Variants in SLC35A3 observed in about 807,000 individuals in gnomAD.
SLC35A3 encodes the protein solute carrier family 35 member A3.
In SLC35A3, 26 loss-of-function variants were observed where a neutral mutation model predicts 39.0. The observed-to-expected ratio is 0.67, with a 90% CI of 0.49 to 0.92. The LOEUF is 0.92. Ranked by LOEUF, SLC35A3 falls within the 40% of genes least tolerant of loss-of-function variation. SLC35A3 has a pLI of 0.00. For synonymous variants in SLC35A3, 135 were observed against 133.1 expected (o/e 1.01, Z -0.10); for missense variants, 299 against 371.6 (o/e 0.80, Z 1.61).
chr1:99,984,681 C>T (rs1374857256), intron 1 of SLC35A3, among the ~76,000 whole-genome samples: 1 of 152,186 alleles, frequency 6.6e-6, no homozygotes, highest in Non-Finnish European at 1.5e-5. Flanking sequence ...AGTAGTTATA[C>T]TAGTTTACAT....
intron 5 of SLC35A3, among the ~76,000 whole-genome samples, chr1:100,012,461 T>C (rs1659738105): frequency 6.6e-6 from 1 of 152,140 alleles, no homozygotes; most frequent in Admixed American, 6.6e-5. Flanking sequence ...AAAAAAATGA[T>C]AACAGACTTA....
intron 1 of SLC35A3, among the ~76,000 whole-genome samples, chr1:99,984,459 T>G (rs1479954062): frequency 6.6e-6 from 1 of 152,242 alleles, no homozygotes; most frequent in African/African-American, 2.4e-5. Context: ...CTCCATTGTA[T>G]ATATACCACA....
intron 1 of SLC35A3, among the ~76,000 whole-genome samples, chr1:99,973,411 T>G (rs1268418100): frequency 6.6e-6 from 1 of 152,226 alleles, no homozygotes; most frequent in Non-Finnish European, 1.5e-5. Context: ...ATGTTCAACT[T>G]AATTATCTCT....
At position 100,031,396 on chromosome 1, in the gene SLC35A3, ATCT is replaced by A. The variant is rs1350819287; in HGVS notation, c.*8925_*8927del. 6.6e-6 allele frequency: 1 copy of A among 152,192 alleles called. No homozygotes were observed. The highest frequency in any genetic ancestry group is 1.5e-5 in the Non-Finnish European group (1 of 68,046). 9.4% of individuals were successfully genotyped at this position (152,192 alleles called of 1,614,324 possible). ...GCATGCGTGACCTAAAGATATGGACATCTTCTTAATTAACCTCAGTGCCATTAT... is the reference window on the plus strand; with the variant it reads ...GCATGCGTGACCTAAAGATATGGACATCTTAATTAACCTCAGTGCCATTAT... On this transcript the variant is annotated 3_prime_UTR_variant, in exon 8 of 8. Coordinates refer to ENST00000533028, the MANE Select transcript of SLC35A3 (RefSeq NM_012243.3).
At chr1:99,988,842 T>C (rs970960841) in intron 1 of SLC35A3, among the ~76,000 whole-genome samples, 1 of 151,812 alleles carries the variant, frequency 6.6e-6, no homozygotes, top group African/African-American at 2.4e-5. Flanking sequence ...TGTAGCTCAC[T>C]ATAACCTCAA....
In SLC35A3 at chr1:100,032,886, C is replaced by A. The variant is rs1477233847; in HGVS notation, c.*10410C>A. On this transcript the variant is annotated 3_prime_UTR_variant, in exon 8 of 8. Coordinates refer to ENST00000533028, the MANE Select transcript of SLC35A3 (RefSeq NM_012243.3). ...AACATGACCACATTAGTCTTTTAGT[C>A]CTTATTTGCTTTAGGCACAAGAAAT... 2 of 152,118 alleles carry A rather than the reference C, an allele frequency of 1.3e-5. No homozygotes were observed. Among genetic ancestry groups the A allele is most frequent in the African/African-American group, 4.8e-5 (2 of 41,414 alleles). 9.4% of individuals were successfully genotyped at this position (152,118 alleles called of 1,614,324 possible).
chr1:99,971,960 C>T (rs1250244056), intron 1 of SLC35A3, among the ~76,000 whole-genome samples: 1 of 151,916 alleles, frequency 6.6e-6, no homozygotes, highest in Non-Finnish European at 1.5e-5. Flanking sequence ...TTCAATGTTG[C>T]GATCTCGGCT....
intron 1 of SLC35A3, among the ~76,000 whole-genome samples, chr1:99,989,913 T>C (rs1657975107): frequency 1.3e-5 from 2 of 151,924 alleles, no homozygotes; most frequent in African/African-American, 2.4e-5. Flanking sequence ...CACAGGTGCA[T>C]GCCACCATGC....
Position 100,015,373 on chromosome 1 carries a change from T to C in SLC35A3, c.706T>C (p.Phe236Leu), listed in dbSNP as rs1354006009. ...TGGAGAACTGGTATCAAAGAATGGA[T>C]TTTTTCAGGGATATAACCGACTGAC... ...YDGELVSKNG[F>L]FQGYNRLTWI... The change falls in exon 6 of 8, where the codon TTT becomes CTT. Residue 236 changes from phenylalanine (F) to leucine (L), a missense_variant. Physicochemically the swap from Phe to Leu is conservative, Grantham distance 22. Coordinates refer to ENST00000533028, the MANE Select transcript of SLC35A3 (RefSeq NM_012243.3). The C allele has an allele frequency of 1.2e-6, 2 of 1,613,264 alleles. No individual in the cohort carries two copies. The highest frequency in any genetic ancestry group is 1.7e-5 in the Admixed American group (1 of 59,900).
At chr1:99,993,815 TTTGCACTC>T in intron 2 of SLC35A3, 74 bp downstream of exon 2, 2 of 1,303,628 alleles carry the variant, frequency 1.5e-6, no homozygotes, top group Non-Finnish European at 2.2e-6. Context: ...TAACTACACA[TTTGCACTC>T]TTGCATTGTC....
At position 100,023,250 on chromosome 1, in the gene SLC35A3, A is replaced by C. The variant is rs149265129; in HGVS notation, c.*774A>C. 1.1e-3 allele frequency: 167 copies of C among 152,280 alleles called. No homozygotes were observed. Among genetic ancestry groups the C allele is most frequent in the African/African-American group, 3.8e-3 (158 of 41,570 alleles). 9.4% of individuals were successfully genotyped at this position (152,280 alleles called of 1,614,324 possible). On this transcript the variant is annotated 3_prime_UTR_variant, in exon 8 of 8. Transcript: ENST00000533028. ...CTCTTCATTGCATTTCATTTCTGTA[A>C]ATCAGATTAAGTCCTTAATATTATT...
intron 1 of SLC35A3, among the ~76,000 whole-genome samples, chr1:99,988,350 G>A (rs1234656769): frequency 2.0e-5 from 3 of 151,836 alleles, no homozygotes; most frequent in Non-Finnish European, 4.4e-5. Flanking sequence ...GGGTGCTTTA[G>A]TGTGGCAGTA....
intron 1 of SLC35A3, 54 bp from the exon 2 acceptor site, chr1:99,993,483 T>G: frequency 6.9e-7 from 1 of 1,455,764 alleles, no homozygotes; most frequent in South Asian, 1.2e-5. Flanking sequence ...TTAAATATAC[T>G]AGTTTTCATA....
intron 3 of SLC35A3, among the ~76,000 whole-genome samples, chr1:100,005,503 G>A (rs1570606762): frequency 6.6e-6 from 1 of 152,002 alleles, no homozygotes; most frequent in Admixed American, 6.6e-5. Context: ...GGTGAAGATC[G>A]TTTTGGGTTG....
At chr1:100,019,170 T>A (rs577324915) in intron 7 of SLC35A3, among the ~76,000 whole-genome samples, 23 of 150,736 alleles carry the variant, frequency 1.5e-4, no homozygotes, top group Admixed American at 3.3e-4. Context: ...TTTTTTTTTT[T>A]AAATTGAACC....
At chr1:100,007,576 C>T (rs1020541459) in intron 4 of SLC35A3, 4 of 153,156 alleles carry the variant, frequency 2.6e-5, no homozygotes, top group African/African-American at 9.7e-5. Flanking sequence ...GTGAGACTCC[C>T]TTTAAATACT....
chr1:100,011,154 G>A (rs927895759), intron 4 of SLC35A3, among the ~76,000 whole-genome samples: 3 of 152,076 alleles, frequency 2.0e-5, no homozygotes, highest in African/African-American at 7.2e-5. Flanking sequence ...TTATTTCTAA[G>A]GTGCTTTTTG....
intron 1 of SLC35A3, among the ~76,000 whole-genome samples, chr1:99,984,985 G>A (rs1657666121): frequency 6.6e-6 from 1 of 152,244 alleles, no homozygotes; most frequent in African/African-American, 2.4e-5. Context: ...CTGGATATTA[G>A]TTGTTTGTTG....
intron 1 of SLC35A3, among the ~76,000 whole-genome samples, chr1:99,989,069 G>A (rs538801678): frequency 9.9e-5 from 15 of 152,022 alleles, no homozygotes; most frequent in Non-Finnish European, 1.8e-4. Context: ...TTTCAAAGTG[G>A]TCGTACCATT....
Sources: gnomAD v4.1 joint callset for allele counts (sites outside exome capture counted in the v4.1 genomes callset) on GRCh38, gnomAD v4.1.1 for gene constraint, MANE v1.5 for transcripts, NCBI Gene and HGNC (gene_info 2026-07-23, HGNC 2026-07-21) for gene names.